TNRC6B: variants seen among roughly 807,000 people sequenced by gnomAD.
TNRC6B encodes trinucleotide repeat containing adaptor 6B, also known as trinucleotide repeat-containing gene 6B protein.
TNRC6B carries 52 observed loss-of-function variants against 203.6 expected under a neutral mutation model. That is an observed-to-expected ratio of 0.26 (90% confidence interval 0.20 to 0.32). TNRC6B has a LOEUF of 0.32. TNRC6B is among the 10% of genes least tolerant of loss of function. TNRC6B has a pLI of 1.00. For missense variants in TNRC6B, 1,923 were observed against 2,286.2 expected (o/e 0.84, Z 3.24); for synonymous variants, 838 against 845.7 (o/e 0.99, Z 0.16).
chr22:40,322,781 AC>A, intron 22 of TNRC6B, 72 bp from the exon 23 acceptor site: 3 of 1,546,554 alleles, frequency 1.9e-6, no homozygotes, highest in Non-Finnish European at 2.7e-6. Context: ...AATGTCAAGG[AC>A]TGCAGTCGCT....
rs71199275 is a variant in TNRC6B, at chr22:40,218,324, CTTTTTTTTT to C, written c.6-27679_6-27671del. 5.1e-5 allele frequency among the ~76,000 whole-genome samples: 5 copies of C among 97,484 alleles called. No individual in the cohort carries two copies. The East Asian group carries it at 9.7e-4, about 19-fold the overall frequency. The allele number at this position is 97,484 out of a possible 152,430, so 64.0% of individuals were successfully genotyped here. On this transcript the variant is annotated intron_variant, in intron 1 of 22. Transcript: ENST00000454349. The stretch of plus-strand genomic sequence containing the variant: ...TGATTTTTTTTTTCTTTTTTCTTTT[CTTTTTTTTT>C]TTTTTTTTTTTGAGACAGGGTGTTA...
At chr22:40,153,768 G>A (rs1186887865) in intron 3 of TNRC6B, among the ~76,000 whole-genome samples, 1 of 151,552 alleles carries the variant, frequency 6.6e-6, no homozygotes, top group African/African-American at 2.4e-5. Flanking sequence ...TGTGAGGGTG[G>A]GGCAGGGGTG....
chr22:40,144,800 T>C (rs1208389684), intron 3 of TNRC6B, among the ~76,000 whole-genome samples: 2 of 150,676 alleles, frequency 1.3e-5, no homozygotes, highest in African/African-American at 2.5e-5. Context: ...CCCAGTGATA[T>C]TAAGCTTTCG....
chr22:40,064,955 A>G (rs973110745), intron 1 of TNRC6B, among the ~76,000 whole-genome samples: 7 of 152,058 alleles, frequency 4.6e-5, no homozygotes, highest in African/African-American at 1.2e-4. Flanking sequence ...TTAACTTGCT[A>G]GTATATTTTG....
intron 1 of TNRC6B, among the ~76,000 whole-genome samples, chr22:40,050,865 C>A (rs2067738535): frequency 6.6e-6 from 1 of 150,438 alleles, no homozygotes; most frequent in Non-Finnish European, 1.5e-5. Flanking sequence ...CGCTCTGTTG[C>A]CCAGGCTGGA....
At chr22:40,111,255 T>C (rs1385414762) in intron 1 of TNRC6B, among the ~76,000 whole-genome samples, 1 of 152,048 alleles carries the variant, frequency 6.6e-6, no homozygotes, top group East Asian at 1.9e-4. Flanking sequence ...TGGAAAACAA[T>C]TGGGCTTTGG....
intron 1 of TNRC6B, among the ~76,000 whole-genome samples, chr22:40,102,524 G>C (rs1273952223): frequency 6.6e-6 from 1 of 152,170 alleles, no homozygotes; most frequent in South Asian, 2.1e-4. Flanking sequence ...AAATATGTGA[G>C]AATCATAGCT....
At chr22:40,052,245 A>G (rs1569244009) in intron 1 of TNRC6B, among the ~76,000 whole-genome samples, 1 of 152,028 alleles carries the variant, frequency 6.6e-6, no homozygotes, top group Non-Finnish European at 1.5e-5. Context: ...TTTTGGTGTC[A>G]TTGTTTTTTT....
chr22:40,329,918 A>G lies in TNRC6B; in HGVS notation c.*6677A>G, dbSNP rs1244270638. On this transcript the variant is annotated 3_prime_UTR_variant, in exon 23 of 23. Coordinates refer to ENST00000454349, the MANE Select transcript of TNRC6B (RefSeq NM_001162501.2). The stretch of plus-strand genomic sequence containing the variant: ...CAAGAAACTGTACATGGCCAGGAAA[A>G]ATGGTACTACCTTGGCCAAAGGGTC... The G allele has an allele frequency of 6.6e-6, 1 of 152,220 alleles. No homozygotes were observed. Among genetic ancestry groups the G allele is most frequent in the Non-Finnish European group, 1.5e-5 (1 of 68,036 alleles). The allele number at this position is 152,220 out of a possible 1,614,324, so 9.4% of individuals were successfully genotyped here. A position where few individuals can be genotyped will look rare whatever the true frequency, so the allele number is the denominator to read the frequency against.
chr22:40,302,735 G>T (rs537902133), intron 15 of TNRC6B, among the ~76,000 whole-genome samples: 1 of 152,164 alleles, frequency 6.6e-6, no homozygotes, highest in South Asian at 2.1e-4. Flanking sequence ...CGCCAACCCC[G>T]TGATCCTCCT....
chr22:40,140,662 A>G (rs2068636781), intron 3 of TNRC6B, among the ~76,000 whole-genome samples: 2 of 151,342 alleles, frequency 1.3e-5, no homozygotes, highest in African/African-American at 2.4e-5. Flanking sequence ...TTTTTTTTTG[A>G]GATGGGGTGT....
At chr22:40,148,538 C>T (rs989845627) in intron 3 of TNRC6B, among the ~76,000 whole-genome samples, 11 of 152,068 alleles carry the variant, frequency 7.2e-5, no homozygotes, top group Admixed American at 5.9e-4. Context: ...CGCCTTGCCC[C>T]CCACAAAGTG....
rs60806346 is a variant in TNRC6B, at chr22:40,230,511, C to G, written c.6-15504C>G. Among the ~76,000 whole-genome samples, 1,181 of 152,046 alleles carry G rather than the reference C, an allele frequency of 7.8e-3. 11 individuals carry two copies. Among genetic ancestry groups the G allele is most frequent in the African/African-American group, 0.026 (1,086 of 41,466 alleles). ...TTCACCATGTTGGCCAGACTGATCT[C>G]GAACTCCTGACCTCAAGTGATCCAC... On this transcript the variant is annotated intron_variant, in intron 1 of 22. Coordinates refer to ENST00000454349, the MANE Select transcript of TNRC6B (RefSeq NM_001162501.2).
At chr22:40,104,172 A>T (rs1239469286) in intron 1 of TNRC6B, among the ~76,000 whole-genome samples, 1 of 151,972 alleles carries the variant, frequency 6.6e-6, no homozygotes, top group African/African-American at 2.4e-5. Flanking sequence ...AATCACTTGA[A>T]CTCAGGAGGT....
chr22:40,315,420 A>G lies in TNRC6B; in HGVS notation c.4816A>G (p.Thr1606Ala). ...TPLPRPPPGL[T>A]NPKPSSPWSS... is the part of the protein sequence containing the mutation. ...GCTGCCCCGCCCACCTCCTGGTCTG[A>G]CCAACCCCAAACCATCATCTCCCTG... The change falls in exon 20 of 23, where the codon ACC becomes GCC. Residue 1606 changes from threonine (T) to alanine (A), a missense_variant. By Grantham distance (58) the Thr-to-Ala change is moderately conservative. This residue lies in a region of TNRC6B where 159 missense variants were observed against 181.0 expected (regional missense o/e 0.88). Coordinates refer to ENST00000454349, the MANE Select transcript of TNRC6B (RefSeq NM_001162501.2). 1 of 1,613,952 alleles carries G rather than the reference A, an allele frequency of 6.2e-7. No homozygotes were observed.
At position 40,162,812 on chromosome 22, in the gene TNRC6B, G is replaced by A. The variant is rs550023914; in HGVS notation, c.113+6630G>A. 2.0e-5 allele frequency among the ~76,000 whole-genome samples: 3 copies of A among 152,170 alleles called. No homozygotes were observed. The South Asian group carries it at 6.2e-4, about 32-fold the overall frequency. On this transcript the variant is annotated intron_variant, in intron 4 of 23. Transcript: ENST00000301923. ...CTGTATAATCTTGAACAGCTTTTGG[G>A]GGAAATGAGTTTTCTTTTCAAGTTA... is the stretch of plus-strand genomic sequence containing the variant.
chr22:40,069,425 T>C lies in TNRC6B; in HGVS notation c.-121+24427T>C, dbSNP rs180956263. Among the ~76,000 whole-genome samples the C allele has an allele frequency of 3.3e-3, 501 of 151,906 alleles. 2 individuals are homozygous for C. Among genetic ancestry groups the C allele is most frequent in the Non-Finnish European group, 5.2e-3 (352 of 67,972 alleles). ...CTGGCCTAAAAGTTGTTTTAAGGAA[T>C]ATTTTGTGTTATTTTTCAGTCTTTA... On this transcript the variant is annotated intron_variant, in intron 1 of 23. Coordinates refer to the TNRC6B transcript ENST00000301923.
chr22:40,301,136 C>T lies in TNRC6B; in HGVS notation c.3937-14C>T. 1 of 1,552,682 alleles carries T rather than the reference C, an allele frequency of 6.4e-7. No individual in the cohort carries two copies. On this transcript the variant is annotated splice_polypyrimidine_tract_variant and intron_variant, in intron 14 of 22. Transcript: ENST00000454349. ...GGCCGTGCTTATCACGTGTCTGTCT[C>T]TCTTGGCCCTCAGCTGGCTCGAATG... is the stretch of plus-strand genomic sequence containing the variant.
At chr22:40,256,150 G>C (rs747483844) in intron 3 of TNRC6B, among the ~76,000 whole-genome samples, 3 of 152,176 alleles carry the variant, frequency 2.0e-5, no homozygotes, top group Non-Finnish European at 4.4e-5. Context: ...AAGATACCAA[G>C]CAGGTTTCTG....
Sources: allele counts gnomAD v4.1 joint callset (sites outside exome capture counted in the v4.1 genomes callset), GRCh38; gene constraint gnomAD v4.1.1; regional missense constraint gnomAD v4.1.1; transcripts MANE v1.5; gene names NCBI Gene and HGNC (gene_info 2026-07-23, HGNC 2026-07-21).